SOX6: variants seen among roughly 807,000 people sequenced by gnomAD.
SOX6 encodes transcription factor SOX-6.
A neutral mutation model predicts 97.8 loss-of-function variants in SOX6; 11 were observed. That is an observed-to-expected ratio of 0.11 (90% CI 0.07 to 0.19). SOX6 has a LOEUF of 0.19. Ranked by LOEUF, SOX6 falls within the 10% of genes least tolerant of loss-of-function variation. SOX6 has a pLI of 1.00. For missense variants in SOX6, 810 were observed against 1,039.5 expected, an observed-to-expected ratio of 0.78 and a Z score of 3.04; for synonymous variants, 360 against 371.4, an observed-to-expected ratio of 0.97 and a Z score of 0.35.
At chr11:16,349,630 AAAT>A (rs1856860434) in intron 1 of SOX6, among the ~76,000 whole-genome samples, 1 of 147,578 alleles carries the variant, frequency 6.8e-6, no homozygotes, top group African/African-American at 2.5e-5. Flanking sequence ...ATAAATAAAT[AAAT>A]AAGAAGAGGA....
intron 4 of SOX6, among the ~76,000 whole-genome samples, chr11:16,581,534 C>G (rs1193464532): frequency 1.3e-5 from 2 of 152,114 alleles, no homozygotes; most frequent in African/African-American, 2.4e-5. Flanking sequence ...AGAGGTGCAG[C>G]AAACTACCAT....
intron 6 of SOX6, among the ~76,000 whole-genome samples, chr11:16,130,853 C>T (rs1205125918): frequency 6.6e-6 from 1 of 151,728 alleles, no homozygotes; most frequent in Non-Finnish European, 1.5e-5. Context: ...ATAATGATGT[C>T]AAGATAATTC....
chr11:16,436,389 G>C (rs189626713), intron 1 of SOX6, among the ~76,000 whole-genome samples: 1 of 151,102 alleles, frequency 6.6e-6, no homozygotes, highest in African/African-American at 2.4e-5. Flanking sequence ...TTCCTCTCTC[G>C]CTCTTTCCCT....
chr11:16,108,386 G>A (rs1312025613), intron 7 of SOX6, among the ~76,000 whole-genome samples: 10 of 152,222 alleles, frequency 6.6e-5, no homozygotes, highest in Middle Eastern at 3.4e-3. Flanking sequence ...TATGAAGGGG[G>A]CTACTCATCG....
Position 16,407,937 on chromosome 11 carries a change from C to A in SOX6, c.-4-66685G>T, listed in dbSNP as rs1465911597. ...ATTTTTATTCCCTTTTCATTTTTTC[C>A]ACATTCCTTTACAACTTATTTTAAT... is the stretch of plus-strand genomic sequence containing the variant. On this transcript the variant is annotated intron_variant, in intron 1 of 15. Coordinates refer to the SOX6 transcript ENST00000396356. 2.0e-5 allele frequency among the ~76,000 whole-genome samples: 3 copies of A among 152,054 alleles called. No homozygotes were observed. The South Asian group carries it at 6.2e-4, about 32-fold the overall frequency.
intron 4 of SOX6, among the ~76,000 whole-genome samples, chr11:16,585,644 G>C (rs1426302515): frequency 6.7e-6 from 1 of 149,464 alleles, no homozygotes; most frequent in Non-Finnish European, 1.5e-5. Context: ...GGGCGGGGGA[G>C]TCAACAAAGA....
chr11:16,464,173 G>A (rs1348380250), intron 1 of SOX6, among the ~76,000 whole-genome samples: 1 of 152,130 alleles, frequency 6.6e-6, no homozygotes, highest in Non-Finnish European at 1.5e-5. Flanking sequence ...CCCAATTCAA[G>A]TTTAGTAAAC....
intron 12 of SOX6, among the ~76,000 whole-genome samples, chr11:16,024,024 C>G (rs1033292399): frequency 6.6e-6 from 1 of 152,016 alleles, no homozygotes; most frequent in Non-Finnish European, 1.5e-5. Flanking sequence ...GGAGACGGGG[C>G]CTTTAAAGCA....
chr11:16,060,269 T>C (rs1462412582), intron 9 of SOX6, among the ~76,000 whole-genome samples: 2 of 151,932 alleles, frequency 1.3e-5, no homozygotes, highest in East Asian at 1.9e-4. Flanking sequence ...GCTCTGATAA[T>C]CATTTATTTT....
chr11:16,724,972 A>T (rs2134056147), intron 2 of SOX6, among the ~76,000 whole-genome samples: 1 of 152,346 alleles, frequency 6.6e-6, no homozygotes, highest in South Asian at 2.1e-4. Context: ...AAAAAGTTAA[A>T]TATAGTGTAA....
At chr11:16,061,333 CAAAG>C (rs1248958250) in intron 9 of SOX6, among the ~76,000 whole-genome samples, 2 of 142,464 alleles carry the variant, frequency 1.4e-5, no homozygotes, top group Non-Finnish European at 3.1e-5. Flanking sequence ...TATATTTAAA[CAAAG>C]AGGTGAAAAA....
intron 3 of SOX6, among the ~76,000 whole-genome samples, chr11:16,249,263 C>T (rs548722281): frequency 8.5e-4 from 130 of 152,196 alleles, no homozygotes; most frequent in African/African-American, 3.0e-3. Flanking sequence ...AACACTTGGC[C>T]GCTTAGAAAT....
At chr11:16,010,851 A>G (rs1854698660) in intron 13 of SOX6, among the ~76,000 whole-genome samples, 1 of 152,034 alleles carries the variant, frequency 6.6e-6, no homozygotes, top group Non-Finnish European at 1.5e-5. Context: ...CTAAAAAAAA[A>G]CCCTAAATGG....
intron 3 of SOX6, among the ~76,000 whole-genome samples, chr11:16,269,233 A>T (rs1212411586): frequency 7.1e-6 from 1 of 139,862 alleles, no homozygotes; most frequent in African/African-American, 2.6e-5. Flanking sequence ...ACTTCCACAC[A>T]TATTTGGGTT....
chr11:16,089,413 C>T (rs1053799592), intron 9 of SOX6, among the ~76,000 whole-genome samples: 1 of 152,050 alleles, frequency 6.6e-6, no homozygotes, highest in Admixed American at 6.6e-5. Flanking sequence ...CCACATACTA[C>T]CCACATAGCA....
chr11:16,558,099 C>T (rs1034410778), intron 4 of SOX6, among the ~76,000 whole-genome samples: 4 of 151,898 alleles, frequency 2.6e-5, no homozygotes, highest in African/African-American at 9.7e-5. Flanking sequence ...GATGTTCTAG[C>T]ATCATGTAAA....
rs186446087 is a variant in SOX6, at chr11:16,518,628, C to T, written n.610-42240G>A. On this transcript the variant is annotated intron_variant and non_coding_transcript_variant, in intron 4 of 5. Coordinates refer to the SOX6 transcript ENST00000524520. ...TGAAGTTAAAAATGGAAAATCCTTA[C>T]GCAAACAAACTTTATCCAGAAAAAT... Among the ~76,000 whole-genome samples, 123 of 152,200 alleles carry T rather than the reference C, an allele frequency of 8.1e-4. No homozygotes were observed. In the Middle Eastern group the frequency reaches 0.01, roughly 13 times the overall value.
intron 4 of SOX6, among the ~76,000 whole-genome samples, chr11:16,195,729 A>G (rs1409755574): frequency 6.6e-6 from 1 of 152,168 alleles, no homozygotes; most frequent in African/African-American, 2.4e-5. Flanking sequence ...TCAGGCCCAA[A>G]TACAGTAATT....
intron 6 of SOX6, among the ~76,000 whole-genome samples, chr11:16,132,405 G>GAAAGAAAGAAAGAAA (rs1849810401): frequency 4.2e-5 from 2 of 47,606 alleles, no homozygotes; most frequent in South Asian, 7.7e-4. Flanking sequence ...AAAGAAAAAA[G>GAAAGAAAGAAAGAAA]AAAGAAAGAA....
Sources: allele counts gnomAD v4.1 joint callset (sites outside exome capture counted in the v4.1 genomes callset), GRCh38; gene constraint gnomAD v4.1.1; transcripts MANE v1.5; gene names NCBI Gene and HGNC (gene_info 2026-07-23, HGNC 2026-07-21).